The following ZNF780B variants were observed in gnomAD, a reference collection of about 807,000 sequenced individuals.
ZNF780B encodes the protein zinc finger protein 779.
ZNF780B carries 52 observed loss-of-function variants against 74.1 expected under a neutral mutation model. The ratio of observed to expected loss-of-function variants is 0.70; its 90% CI spans 0.56 to 0.88. ZNF780B has a LOEUF of 0.88. Ranked by LOEUF, ZNF780B falls within the 40% of genes least tolerant of loss-of-function variation. ZNF780B has a pLI of 0.00. For synonymous variants in ZNF780B, 315 were observed against 324.3 expected, an observed-to-expected ratio of 0.97 and a Z score of 0.31; for missense variants, 953 against 1,007.6, an observed-to-expected ratio of 0.95 and a Z score of 0.73.
At chr19:40,042,786 T>A (rs1972712682) in intron 4 of ZNF780B, among the ~76,000 whole-genome samples, 1 of 152,224 alleles carries the variant, frequency 6.6e-6, no homozygotes, top group Non-Finnish European at 1.5e-5. Context: ...CATTGGTTAT[T>A]CTAGTTATCC....
Position 40,031,872 on chromosome 19 carries a change from A to C in ZNF780B, c.*2485T>G, listed in dbSNP as rs1026939211. ...TAGATTACTTACCCACTACAAACTA[A>C]ATCTTTACAATGGACTTACGGCGGT... On this transcript the variant is annotated 3_prime_UTR_variant, in exon 5 of 5. Coordinates refer to ENST00000434248, the MANE Select transcript of ZNF780B (RefSeq NM_001005851.3). The C allele has an allele frequency of 2.7e-5, 8 of 299,896 alleles. No individual in the cohort carries two copies. Among genetic ancestry groups the C allele is most frequent in the Non-Finnish European group, 4.0e-5 (6 of 149,898 alleles). 18.6% of individuals were successfully genotyped at this position (299,896 alleles called of 1,614,324 possible).
At chr19:40,049,018 G>T in intron 2 of ZNF780B, 1 of 546,896 alleles carries the variant, frequency 1.8e-6, no homozygotes, top group Non-Finnish European at 3.1e-6. Flanking sequence ...GAGCCCAGGA[G>T]TTGGCAAACA....
chr19:40,042,756 C>G (rs1230635241), intron 4 of ZNF780B, among the ~76,000 whole-genome samples: 3 of 152,204 alleles, frequency 2.0e-5, no homozygotes, highest in African/African-American at 7.2e-5. Flanking sequence ...GCTCCATCAG[C>G]TCCTTTAAGG....
chr19:40,053,966 A>G (rs1283379337), intron 1 of ZNF780B, among the ~76,000 whole-genome samples: 2 of 152,258 alleles, frequency 1.3e-5, no homozygotes, highest in Non-Finnish European at 2.9e-5. Context: ...CACCCTGGCC[A>G]ACATGGCAAA....
rs572543288 is a variant in ZNF780B, at chr19:40,047,322, T to C, written c.232+53A>G. The C allele has an allele frequency of 2.0e-4, 293 of 1,475,310 alleles. 3 individuals are homozygous for C. The South Asian group carries it at 3.0e-3, about 15-fold the overall frequency. The allele number at this position is 1,475,310 out of a possible 1,614,324, so 91.4% of individuals were successfully genotyped here. A position where few individuals can be genotyped will look rare whatever the true frequency, so the allele number is the denominator to read the frequency against. On this transcript the variant is annotated intron_variant, in intron 4 of 4. Coordinates refer to ENST00000434248, the MANE Select transcript of ZNF780B (RefSeq NM_001005851.3). ...GGGGTGTGACTCCTCTCTGAGCACA[T>C]GGGCTGTCCGGGACAATGATGGCTT...
Position 40,047,423 on chromosome 19 carries a change from T to G in ZNF780B, c.184A>C (p.Lys62Gln). The G allele has an allele frequency of 6.2e-7, 1 of 1,613,964 alleles. No individual in the cohort carries two copies. Residue 62 changes from lysine (K) to glutamine (Q), a missense_variant, in exon 4 of 5, where the codon AAA becomes CAA. Physicochemically the swap from Lys to Gln is moderately conservative, Grantham distance 53. Transcript: ENST00000434248. The stretch of plus-strand genomic sequence containing the variant: ...TTACTTACAACAATCCAGGGCTCTT[T>G]CTCTTGCTCTAGTAATGTAATCACA... ...PDVITLLEQE[K>Q]EPWIVVSKET...
Position 40,035,767 on chromosome 19 carries a change from C to T in ZNF780B, c.1092G>A (p.Arg364=), listed in dbSNP as rs1370908724. 1.9e-6 allele frequency: 3 copies of T among 1,613,940 alleles called. No homozygotes were observed. The highest frequency in any genetic ancestry group is 3.3e-5 in the Admixed American group (2 of 60,002). ...GGAGACTAAAGGCCTTCCCGCATTC[C>T]CTGCATTCAAAGGGCTTCTCACCCA... is the stretch of plus-strand genomic sequence containing the variant. ...IHMGEKPFEC[R]ECGKAFSLLN... is the part of the protein sequence containing the mutation. The change falls in exon 5 of 5, where the codon AGG becomes AGA. Residue 364 remains arginine (R), a synonymous_variant. Coordinates refer to ENST00000434248, the MANE Select transcript of ZNF780B (RefSeq NM_001005851.3).
At chr19:40,042,023 A>G (rs2144764807) in intron 4 of ZNF780B, among the ~76,000 whole-genome samples, 1 of 152,276 alleles carries the variant, frequency 6.6e-6, no homozygotes, top group Non-Finnish European at 1.5e-5. Flanking sequence ...ACATTTTGGC[A>G]TGTTTTTGCA....
chr19:40,035,469 A>G lies in ZNF780B; in HGVS notation c.1390T>C (p.Cys464Arg). The G allele has an allele frequency of 6.2e-7, 1 of 1,614,134 alleles. No homozygotes were observed. Among genetic ancestry groups the G allele is most frequent in the Non-Finnish European group, 8.5e-7 (1 of 1,180,016 alleles). The change falls in exon 5 of 5, where the codon TGC becomes CGC. Residue 464 changes from cysteine to arginine, a missense_variant. Cys to Arg is a radical substitution (Grantham distance 180). Transcript: ENST00000434248. Reference sequence around the variant, plus strand: ...GGTTTCCCACCAGTATGAATTTGGCAATGTTGAATAAGTTGGTAATGATAT... The same window carrying G: ...GGTTTCCCACCAGTATGAATTTGGCGATGTTGAATAAGTTGGTAATGATAT... ...FRYHYQLIQH[C>R]QIHTGGKPFE...
rs562086635 is a variant in ZNF780B at position 40,046,525 on chromosome 19, C to T, written c.232+850G>A. 9.8e-5 allele frequency among the ~76,000 whole-genome samples: 15 copies of T among 152,330 alleles called. No homozygotes were observed. The South Asian group carries it at 3.1e-3, about 32-fold the overall frequency. On this transcript the variant is annotated intron_variant, in intron 4 of 4. Transcript: ENST00000434248. ...CCCGCTGTTCCATTACTTACTCCAC[C>T]TTTGTGTTTCCTGCTCAGTCTGACT...
At chr19:40,051,785 G>A (rs1053435901) in intron 1 of ZNF780B, among the ~76,000 whole-genome samples, 1 of 152,122 alleles carries the variant, frequency 6.6e-6, no homozygotes, top group Admixed American at 6.5e-5. Flanking sequence ...GCAGATAAGT[G>A]GCATCTGGAA....
Position 40,028,783 on chromosome 19 carries a change from G to T in ZNF780B, c.*5574C>A, listed in dbSNP as rs1971942106. ...TGGAATGAGCACTCAGACTTATACA[G>T]AACTTGGAAGAATAGTAAATAATTC... is the stretch of plus-strand genomic sequence containing the variant. On this transcript the variant is annotated 3_prime_UTR_variant, in exon 5 of 5. Coordinates refer to ENST00000434248, the MANE Select transcript of ZNF780B (RefSeq NM_001005851.3). The T allele has an allele frequency of 6.6e-6, 1 of 152,176 alleles. No homozygotes were observed. 9.4% of individuals were successfully genotyped at this position (152,176 alleles called of 1,614,324 possible).
At chr19:40,045,519 T>G (rs1972893940) in intron 4 of ZNF780B, among the ~76,000 whole-genome samples, 1 of 152,228 alleles carries the variant, frequency 6.6e-6, no homozygotes, top group South Asian at 2.1e-4. Context: ...ATACCTGCAC[T>G]TGTATGATTA....
At chr19:40,043,153 T>C (rs1266957474) in intron 4 of ZNF780B, among the ~76,000 whole-genome samples, 2 of 152,140 alleles carry the variant, frequency 1.3e-5, no homozygotes, top group Non-Finnish European at 2.9e-5. Flanking sequence ...CTGTTGGAGT[T>C]TGCTAGAGGT....
chr19:40,038,665 G>A (rs1162652313), intron 4 of ZNF780B, among the ~76,000 whole-genome samples: 3 of 151,954 alleles, frequency 2.0e-5, no homozygotes, highest in South Asian at 2.1e-4. Context: ...CTGATGGCCA[G>A]TGATGATGAG....
At chr19:40,045,736 C>T (rs2144792954) in intron 4 of ZNF780B, among the ~76,000 whole-genome samples, 1 of 152,174 alleles carries the variant, frequency 6.6e-6, no homozygotes, top group Non-Finnish European at 1.5e-5. Flanking sequence ...ACCTGTAATC[C>T]CAGCACTTTG....
chr19:40,038,734 C>T, intron 4 of ZNF780B, among the ~76,000 whole-genome samples: 1 of 152,066 alleles, frequency 6.6e-6, no homozygotes, highest in Non-Finnish European at 1.5e-5. Context: ...CGTCTGTTCA[C>T]ATCCTTCGCC....
chr19:40,055,692 G>C (rs1280310445), intron 1 of ZNF780B: 1 of 152,198 alleles, frequency 6.6e-6, no homozygotes, highest in Non-Finnish European at 1.5e-5. Context: ...CTGCCCTCCT[G>C]GGGGACCCTC....
rs1971980209 is a variant in ZNF780B, at chr19:40,030,998, C to T, written c.*3359G>A. On this transcript the variant is annotated 3_prime_UTR_variant, in exon 5 of 5. Coordinates refer to ENST00000434248, the MANE Select transcript of ZNF780B (RefSeq NM_001005851.3). ...CTGAAAAATACTTGGAAAATTATAACTTTACTTATGATTATAGATGCAATT... is the reference window on the plus strand; with the variant it reads ...CTGAAAAATACTTGGAAAATTATAATTTTACTTATGATTATAGATGCAATT... 1 of 152,064 alleles carries T rather than the reference C, an allele frequency of 6.6e-6. No homozygotes were observed. The highest frequency in any genetic ancestry group is 2.4e-5 in the African/African-American group (1 of 41,384). The allele number at this position is 152,064 out of a possible 1,614,324, so 9.4% of individuals were successfully genotyped here. A position where few individuals can be genotyped will look rare whatever the true frequency, so the allele number is the denominator to read the frequency against.
Sources: allele counts gnomAD v4.1 joint callset (sites outside exome capture counted in the v4.1 genomes callset), GRCh38; gene constraint gnomAD v4.1.1; transcripts MANE v1.5; gene names NCBI Gene and HGNC (gene_info 2026-07-23, HGNC 2026-07-21).